The following MDFIC variants were observed in gnomAD, a reference collection of about 807,000 sequenced individuals.
MDFIC encodes MyoD family inhibitor domain containing.
MDFIC carries 17 observed loss-of-function variants against 23.2 expected under a neutral mutation model. The observed-to-expected ratio is 0.73, with a 90% confidence interval of 0.50 to 1.10. MDFIC has a LOEUF of 1.10. Ranked by LOEUF, MDFIC falls within the 50% of genes least tolerant of loss-of-function variation. MDFIC has a pLI of 0.00. For synonymous variants in MDFIC, 120 were observed against 115.2 expected (o/e 1.04, Z -0.27); for missense variants, 356 against 316.6 (o/e 1.12, Z -0.95).
chr7:114,987,222 G>T (rs924275233), intron 4 of MDFIC, among the ~76,000 whole-genome samples: 2 of 152,162 alleles, frequency 1.3e-5, no homozygotes, highest in African/African-American at 4.8e-5. Flanking sequence ...GGTGGGAAAA[G>T]AAATTAGAAA....
intron 4 of MDFIC, among the ~76,000 whole-genome samples, chr7:115,006,847 TTTG>T (rs1562828976): frequency 6.6e-6 from 1 of 152,204 alleles, no homozygotes; most frequent in African/African-American, 2.4e-5. Context: ...TATATTCACC[TTTG>T]TTATTATTTA....
At chr7:114,960,777 C>G (rs1232387704) in intron 3 of MDFIC, among the ~76,000 whole-genome samples, 2 of 152,032 alleles carry the variant, frequency 1.3e-5, no homozygotes, top group African/African-American at 2.4e-5. Flanking sequence ...TTTTTGAAAT[C>G]CCACTTAAAT....
At chr7:114,972,613 C>G (rs1793228012) in intron 3 of MDFIC, among the ~76,000 whole-genome samples, 1 of 152,014 alleles carries the variant, frequency 6.6e-6, no homozygotes, top group Non-Finnish European at 1.5e-5. Context: ...AGATTGTCAA[C>G]TTTCTTTTTC....
chr7:114,942,150 A>AG lies in MDFIC; in HGVS notation c.95-123dup, dbSNP rs1464427288. On this transcript the variant is annotated intron_variant, in intron 2 of 4. Transcript: ENST00000393486. ...CAATAAAATAGGCAGCAGGCAATAG[A>AG]GGTATACCTGTTCTATTTCCTTAAA... is the stretch of plus-strand genomic sequence containing the variant. 25 of 507,312 alleles carry AG rather than the reference A, an allele frequency of 4.9e-5. No individual in the cohort carries two copies. The South Asian group carries it at 1.0e-3, about 21-fold the overall frequency. The allele number at this position is 507,312 out of a possible 1,614,324, so 31.4% of individuals were successfully genotyped here.
intron 3 of MDFIC, among the ~76,000 whole-genome samples, chr7:114,975,541 G>A (rs1793293560): frequency 7.1e-6 from 1 of 141,312 alleles, no homozygotes; most frequent in East Asian, 2.1e-4. Flanking sequence ...GAAGCATTGT[G>A]TCGTTTCCAT....
intron 3 of MDFIC, among the ~76,000 whole-genome samples, chr7:114,973,359 C>T (rs1486328489): frequency 1.3e-5 from 2 of 152,090 alleles, no homozygotes; most frequent in Non-Finnish European, 2.9e-5. Context: ...ATATTTCACT[C>T]AGCTGTGGTC....
At chr7:114,961,945 A>G (rs1793000839) in intron 3 of MDFIC, among the ~76,000 whole-genome samples, 1 of 152,206 alleles carries the variant, frequency 6.6e-6, no homozygotes, top group Non-Finnish European at 1.5e-5. Flanking sequence ...TGAAGATATC[A>G]TACCTTCCAC....
intron 2 of MDFIC, among the ~76,000 whole-genome samples, chr7:114,928,064 G>A (rs748476965): frequency 7.2e-5 from 11 of 152,084 alleles, no homozygotes; most frequent in Non-Finnish European, 1.3e-4. Flanking sequence ...ATGAATCTTA[G>A]AACTTATACT....
intron 2 of MDFIC, among the ~76,000 whole-genome samples, chr7:114,932,700 G>A (rs1792337458): frequency 6.6e-6 from 1 of 152,216 alleles, no homozygotes; most frequent in South Asian, 2.1e-4. Flanking sequence ...GGTCTTAGAG[G>A]AGAATCCGAA....
chr7:114,976,215 T>C (rs574460584), intron 3 of MDFIC, among the ~76,000 whole-genome samples: 2 of 152,272 alleles, frequency 1.3e-5, no homozygotes, highest in Admixed American at 1.3e-4. Flanking sequence ...TTTTGAATTA[T>C]GAAATATGAC....
At position 115,019,163 on chromosome 7, in the gene MDFIC, T is replaced by G. The variant is rs1791854881; in HGVS notation, c.*3228T>G. ...AACATATATGAAATTGAGTCTTAGA[T>G]TTAATGAATTTCACTCGAAAATAAA... On this transcript the variant is annotated 3_prime_UTR_variant, in exon 5 of 5. Coordinates refer to ENST00000393486, the MANE Select transcript of MDFIC (RefSeq NM_001166345.3). 1 of 152,062 alleles carries G rather than the reference T, an allele frequency of 6.6e-6. No homozygotes were observed. Among genetic ancestry groups the G allele is most frequent in the African/African-American group, 2.4e-5 (1 of 41,460 alleles). The allele number at this position is 152,062 out of a possible 1,614,324, so 9.4% of individuals were successfully genotyped here.
At chr7:115,013,169 AT>A (rs1472398424) in intron 4 of MDFIC, among the ~76,000 whole-genome samples, 1 of 152,158 alleles carries the variant, frequency 6.6e-6, no homozygotes, top group Non-Finnish European at 1.5e-5. Context: ...ATTCTGATAT[AT>A]TTTTTAGGGG....
At chr7:114,925,887 A>T (rs897485530) in intron 2 of MDFIC, among the ~76,000 whole-genome samples, 5 of 152,210 alleles carry the variant, frequency 3.3e-5, no homozygotes, top group African/African-American at 9.6e-5. Flanking sequence ...GTGATCTCTC[A>T]TACAGAAAAT....
At position 114,966,303 on chromosome 7, in the gene MDFIC, T is replaced by C. The variant is rs191966224; in HGVS notation, c.218-13203T>C. Among the ~76,000 whole-genome samples the C allele has an allele frequency of 2.6e-5, 4 of 151,748 alleles. No homozygotes were observed. In the East Asian group the frequency reaches 7.7e-4, roughly 29 times the overall value. ...GTAAAGAATGATTTGTGAGTGCCACTGGGCTTGGCTGTGCTGAAATTGTGA... is the reference window on the plus strand; with the variant it reads ...GTAAAGAATGATTTGTGAGTGCCACCGGGCTTGGCTGTGCTGAAATTGTGA... On this transcript the variant is annotated intron_variant, in intron 3 of 4. Transcript: ENST00000393486.
At chr7:114,959,017 A>G (rs1463262537) in intron 3 of MDFIC, among the ~76,000 whole-genome samples, 1 of 152,222 alleles carries the variant, frequency 6.6e-6, no homozygotes, top group Admixed American at 6.5e-5. Flanking sequence ...GTGTTAAAGT[A>G]AAAATATTTA....
chr7:115,013,759 A>G (rs1218773819), intron 4 of MDFIC, among the ~76,000 whole-genome samples: 1 of 152,228 alleles, frequency 6.6e-6, no homozygotes, highest in South Asian at 2.1e-4. Flanking sequence ...AGAGTCATAT[A>G]AGACAGATGC....
Position 114,922,620 on chromosome 7 carries a change from T to G in MDFIC, c.-124T>G. The G allele has an allele frequency of 7.8e-7, 1 of 1,282,250 alleles. No individual in the cohort carries two copies. Among genetic ancestry groups the G allele is most frequent in the Non-Finnish European group, 9.9e-7 (1 of 1,008,200 alleles). The allele number at this position is 1,282,250 out of a possible 1,614,324, so 79.4% of individuals were successfully genotyped here. A position where few individuals can be genotyped will look rare whatever the true frequency, so the allele number is the denominator to read the frequency against. On this transcript the variant is annotated 5_prime_UTR_variant, in exon 1 of 5. Transcript: ENST00000393486. The stretch of plus-strand genomic sequence containing the variant: ...GGAGGAGGAAGGGGCTTGGAGCGAC[T>G]ACGGGGGGATGCGGAGGTAGGTAGT...
At chr7:114,923,265 G>T in intron 2 of MDFIC, 138 bp downstream of exon 2, 1 of 1,285,164 alleles carries the variant, frequency 7.8e-7, no homozygotes, top group Admixed American at 2.1e-5. Context: ...TGCACAGTTC[G>T]CGTTACTCAG....
intron 3 of MDFIC, among the ~76,000 whole-genome samples, chr7:114,970,357 C>G (rs1283722710): frequency 6.6e-6 from 1 of 152,138 alleles, no homozygotes; most frequent in Non-Finnish European, 1.5e-5. Context: ...TCTAGCAATA[C>G]AGTTTCTTTA....
Sources: gnomAD v4.1 joint callset for allele counts (sites outside exome capture counted in the v4.1 genomes callset) on GRCh38, gnomAD v4.1.1 for gene constraint, MANE v1.5 for transcripts, NCBI Gene and HGNC (gene_info 2026-07-23, HGNC 2026-07-21) for gene names.